The following ERC2 variants were observed in gnomAD, a reference collection of about 807,000 sequenced individuals.
ERC2 encodes ELKS/RAB6-interacting/CAST family member 2, also known as ERC protein 2.
Under a neutral mutation model 114.8 loss-of-function variants are expected in ERC2, and 42 were observed. The ratio of observed to expected loss-of-function variants is 0.37; its 90% CI spans 0.29 to 0.47. ERC2 has a LOEUF of 0.47. Ranked by LOEUF, ERC2 falls within the 20% of genes least tolerant of loss-of-function variation. The pLI, the probability that ERC2 is intolerant of heterozygous loss-of-function variation, is 0.99. For synonymous variants in ERC2, 454 were observed against 425.5 expected, an observed-to-expected ratio of 1.07 and a Z score of -0.82; for missense variants, 939 against 1,150.7, an observed-to-expected ratio of 0.82 and a Z score of 2.66.
At chr3:56,006,084 G>A (rs944797956) in intron 10 of ERC2, among the ~76,000 whole-genome samples, 1 of 151,942 alleles carries the variant, frequency 6.6e-6, no homozygotes, top group Admixed American at 6.6e-5. Context: ...TTGCTGTTTT[G>A]TTATTAAAGG....
chr3:56,362,767 C>T (rs550698585), intron 2 of ERC2, among the ~76,000 whole-genome samples: 28 of 152,318 alleles, frequency 1.8e-4, no homozygotes, highest in Admixed American at 1.3e-3. Flanking sequence ...CTGACAGATG[C>T]CATCCTCACA....
intron 2 of ERC2, 97 bp from the exon 3 acceptor site, chr3:56,296,532 A>T: frequency 7.6e-7 from 1 of 1,318,114 alleles, no homozygotes; most frequent in Non-Finnish European, 1.0e-6. Flanking sequence ...ATGAAGATGG[A>T]ATGTTAATCA....
intron 6 of ERC2, among the ~76,000 whole-genome samples, chr3:56,122,367 G>A (rs181998718): frequency 6.6e-6 from 1 of 152,278 alleles, no homozygotes; most frequent in Admixed American, 6.5e-5. Flanking sequence ...AATGATAATG[G>A]TGGTGGCCCC....
chr3:56,153,086 C>T lies in ERC2; in HGVS notation c.1150-3954G>A, dbSNP rs1033486190. On this transcript the variant is annotated intron_variant, in intron 4 of 17. Coordinates refer to ENST00000288221, the MANE Select transcript of ERC2 (RefSeq NM_015576.3). Reference sequence around the variant, plus strand: ...TCCTTTTCTCTCTCTTTTTTTAAATCTATCTCTAGATTTCTCTAGAACATG... The same window carrying T: ...TCCTTTTCTCTCTCTTTTTTTAAATTTATCTCTAGATTTCTCTAGAACATG... Among the ~76,000 whole-genome samples the T allele has an allele frequency of 5.3e-5, 8 of 152,162 alleles. No homozygotes were observed. In the East Asian group the frequency reaches 1.3e-3, roughly 26 times the overall value.
chr3:55,880,232 T>C (rs79117131), intron 14 of ERC2, among the ~76,000 whole-genome samples: 168 of 152,234 alleles, frequency 1.1e-3, no homozygotes, highest in African/African-American at 3.9e-3. Context: ...GGAACGTGAG[T>C]CCCTAGTGAT....
chr3:56,212,937 C>T lies in ERC2; in HGVS notation c.1075-39417G>A, dbSNP rs1215214656. On this transcript the variant is annotated intron_variant, in intron 3 of 17. Transcript: ENST00000288221. ...GTGAAGCAACTCAGGAATGGAAAAA[C>T]AAACATTCTATGTTCTCATTCATAA... Among the ~76,000 whole-genome samples, 6 of 152,274 alleles carry T rather than the reference C, an allele frequency of 3.9e-5. No homozygotes were observed. In the East Asian group the frequency reaches 5.8e-4, roughly 15 times the overall value.
intron 14 of ERC2, among the ~76,000 whole-genome samples, chr3:55,854,305 T>A (rs2061695907): frequency 6.6e-6 from 1 of 152,158 alleles, no homozygotes; most frequent in South Asian, 2.1e-4. Context: ...ACAAAGCACC[T>A]AGATAAGATT....
At chr3:56,124,270 A>C (rs1056160441) in intron 6 of ERC2, among the ~76,000 whole-genome samples, 3 of 152,224 alleles carry the variant, frequency 2.0e-5, no homozygotes, top group Admixed American at 2.0e-4. Context: ...AAAATACTTT[A>C]ATTATGTCAG....
chr3:56,382,136 A>T (rs140244387), intron 2 of ERC2, among the ~76,000 whole-genome samples: 186 of 152,156 alleles, frequency 1.2e-3, no homozygotes, highest in African/African-American at 4.0e-3. Context: ...CAACTCACGG[A>T]CTTGCATCTC....
At chr3:55,964,969 T>G (rs796530269) in intron 12 of ERC2, among the ~76,000 whole-genome samples, 15 of 152,298 alleles carry the variant, frequency 9.8e-5, no homozygotes, top group African/African-American at 3.4e-4. Flanking sequence ...GTTTGATTCT[T>G]TGAGGCTAGC....
intron 14 of ERC2, among the ~76,000 whole-genome samples, chr3:55,762,876 C>T (rs1409918584): frequency 6.6e-6 from 1 of 152,192 alleles, no homozygotes; most frequent in Non-Finnish European, 1.5e-5. Context: ...TGAATTATTT[C>T]ACATAGCTCA....
intron 2 of ERC2, among the ~76,000 whole-genome samples, chr3:56,311,298 TATATATA>T (rs2056562147): frequency 7.3e-6 from 1 of 137,768 alleles, no homozygotes; most frequent in Non-Finnish European, 1.6e-5. Flanking sequence ...TATACACACA[TATATATA>T]ATTTTTTTTT....
At chr3:55,894,586 T>C (rs2063755455) in intron 13 of ERC2, among the ~76,000 whole-genome samples, 2 of 152,178 alleles carry the variant, frequency 1.3e-5, no homozygotes, top group African/African-American at 4.8e-5. Context: ...ATCCCCCTTC[T>C]TCCCTCCCTA....
intron 3 of ERC2, among the ~76,000 whole-genome samples, chr3:56,256,715 T>G (rs2052540053): frequency 6.6e-6 from 1 of 152,188 alleles, no homozygotes; most frequent in South Asian, 2.1e-4. Flanking sequence ...GATTGAATCA[T>G]GTGGGCAATT....
At chr3:56,123,539 C>G (rs114658535) in intron 6 of ERC2, among the ~76,000 whole-genome samples, 20 of 151,978 alleles carry the variant, frequency 1.3e-4, no homozygotes, top group African/African-American at 4.8e-4. Flanking sequence ...CACTATCCTT[C>G]CGAAACATAT....
At chr3:55,683,904 C>T (rs777236877) in intron 16 of ERC2, 45 bp from the exon 17 acceptor site, 1 of 1,596,194 alleles carries the variant, frequency 6.3e-7, no homozygotes, top group East Asian at 2.3e-5. Context: ...AGGAGGGGAG[C>T]ACCAGAATGA....
intron 17 of ERC2, among the ~76,000 whole-genome samples, chr3:55,660,741 G>A (rs997318714): frequency 6.6e-6 from 1 of 152,136 alleles, no homozygotes; most frequent in Non-Finnish European, 1.5e-5. Flanking sequence ...TGGGTATGAT[G>A]TCCCACAGAC....
chr3:55,634,214 A>G lies in ERC2; in HGVS notation c.*39+49580T>C, dbSNP rs114772330. On this transcript the variant is annotated intron_variant, in intron 17 of 17. Coordinates refer to ENST00000288221, the MANE Select transcript of ERC2 (RefSeq NM_015576.3). ...CAGTTTATAAGAATCTGCCCATGCC[A>G]TAAGTACTAGACAAAAGTTGAGTTT... Among the ~76,000 whole-genome samples the G allele has an allele frequency of 9.2e-3, 1,397 of 152,364 alleles. 21 individuals carry two copies. The highest frequency in any genetic ancestry group is 0.032 in the African/African-American group (1,343 of 41,572).
intron 16 of ERC2, among the ~76,000 whole-genome samples, chr3:55,687,289 T>C (rs965616522): frequency 4.6e-5 from 7 of 152,090 alleles, no homozygotes; most frequent in African/African-American, 9.7e-5. Flanking sequence ...TCTGACATGA[T>C]AAATGAATGG....
Sources: allele counts gnomAD v4.1 joint callset (sites outside exome capture counted in the v4.1 genomes callset), GRCh38; gene constraint gnomAD v4.1.1; transcripts MANE v1.5; gene names NCBI Gene and HGNC (gene_info 2026-07-23, HGNC 2026-07-21).